FKRP: variants seen among roughly 807,000 people sequenced by gnomAD.
FKRP encodes the protein ribitol 5-phosphate transferase FKRP.
FKRP carries 25 observed loss-of-function variants against 30.6 expected under a neutral mutation model. The ratio of observed to expected loss-of-function variants is 0.82; its 90% CI spans 0.60 to 1.14. The LOEUF (loss-of-function observed/expected upper bound fraction) is 1.14. FKRP is among the 50% of genes most tolerant of loss of function. The pLI, the probability that FKRP is intolerant of heterozygous loss-of-function variation, is 0.00. For missense variants in FKRP, 771 were observed against 727.8 expected (o/e 1.06, Z -0.68); for synonymous variants, 358 against 342.5 (o/e 1.05, Z -0.50).
chr19:46,755,972 C>T lies in FKRP; in HGVS notation c.522C>T (p.Ser174=), dbSNP rs1599935593. The T allele has an allele frequency of 1.2e-5, 18 of 1,540,232 alleles. No individual in the cohort carries two copies. Among genetic ancestry groups the T allele is most frequent in the Non-Finnish European group, 1.6e-5 (18 of 1,149,740 alleles). ...NPARCLALNV[S]LREWTARYGA... is the part of the protein sequence containing the mutation. ...CCAGGTGCCTGGCCCTGAACGTCAG[C>T]CTGCGAGAGTGGACCGCCCGCTATG... The change falls in exon 4 of 4, where the codon AGC becomes AGT. Residue 174 remains serine, a synonymous_variant. Transcript: ENST00000318584.
Position 46,756,087 on chromosome 19 carries a change from C to A in FKRP, c.637C>A (p.Pro213Thr). 1 of 1,548,236 alleles carries A rather than the reference C, an allele frequency of 6.5e-7. No individual in the cohort carries two copies. The highest frequency in any genetic ancestry group is 1.2e-5 in the South Asian group (1 of 85,036). Reference protein sequence around the residue: ...RARDLFNLSAPLARPVGTSLF... With the variant: ...RARDLFNLSATLARPVGTSLF... The stretch of plus-strand genomic sequence containing the variant: ...CCGCGACCTCTTCAACCTCTCGGCG[C>A]CCCTGGCCCGGCCGGTGGGCACCAG... Residue 213 changes from proline to threonine, a missense_variant, in exon 4 of 4, where the codon CCC (proline) becomes ACC (threonine). Coordinates refer to ENST00000318584, the MANE Select transcript of FKRP (RefSeq NM_024301.5). The surrounding 1 kb of genome is among the most constrained non-coding windows in gnomAD (Gnocchi z 6.6).
chr19:46,747,025 C>T (rs1235009270), intron 1 of FKRP: 3 of 152,340 alleles, frequency 2.0e-5, no homozygotes, highest in Non-Finnish European at 4.4e-5. Context: ...TCCTTCTGCT[C>T]CTATCCTCAT....
At chr19:46,754,344 A>AAC (rs1318442280) in intron 3 of FKRP, 14 of 143,268 alleles carry the variant, frequency 9.8e-5, no homozygotes, top group African/African-American at 3.7e-4. Context: ...GGCCCACCCC[A>AAC]CTTTTGTTTT....
rs763422045 is a variant in FKRP at position 46,756,847 on chromosome 19, G to A, written c.1397G>A (p.Arg466His). Residue 466 changes from arginine to histidine, a missense_variant, in exon 4 of 4, where the codon CGC becomes CAC. Physicochemically the swap from Arg to His is conservative, Grantham distance 29. Coordinates refer to ENST00000318584, the MANE Select transcript of FKRP (RefSeq NM_024301.5). The surrounding 1 kb of genome is among the most constrained non-coding windows in gnomAD (Gnocchi z 6.6). ...GTGGCGCAGGCGCCTAACAACTACC[G>A]CCGCTTCCTGGAGCTCAAGTTCGGG... ...GFVAQAPNNY[R>H]RFLELKFGPG... is the part of the protein sequence containing the mutation. 6 of 1,603,552 alleles carry A rather than the reference G, an allele frequency of 3.7e-6. No homozygotes were observed. In the African/African-American group the frequency reaches 6.7e-5, roughly 18 times the overall value.
Position 46,758,083 on chromosome 19 carries a change from C to G in FKRP, c.*1145C>G, listed in dbSNP as rs2054963425. On this transcript the variant is annotated 3_prime_UTR_variant, in exon 4 of 4. Coordinates refer to ENST00000318584, the MANE Select transcript of FKRP (RefSeq NM_024301.5). Reference sequence around the variant, plus strand: ...CCAGGCACCATTCTCAGTGTTTCACCTGGATCAACTAATGCGTCCCTCACC... The same window carrying G: ...CCAGGCACCATTCTCAGTGTTTCACGTGGATCAACTAATGCGTCCCTCACC... 1 of 167,162 alleles carries G rather than the reference C, an allele frequency of 6.0e-6. No individual in the cohort carries two copies. The highest frequency in any genetic ancestry group is 1.5e-5 in the Non-Finnish European group (1 of 68,144). The allele number at this position is 167,162 out of a possible 1,614,324, so 10.4% of individuals were successfully genotyped here.
intron 3 of FKRP, among the ~76,000 whole-genome samples, chr19:46,755,125 C>A (rs533125495): frequency 4.6e-5 from 7 of 151,970 alleles, no homozygotes; most frequent in East Asian, 3.9e-4. Context: ...CCCATTCCCC[C>A]CTGCCTGCAA....
At chr19:46,754,630 G>A (rs780744498) in intron 3 of FKRP, among the ~76,000 whole-genome samples, 22 of 140,540 alleles carry the variant, frequency 1.6e-4, no homozygotes, top group South Asian at 4.6e-4. Flanking sequence ...TTTTCGAGAC[G>A]GAGTCTCGCT....
At chr19:46,753,053 C>A (rs1246918985) in intron 3 of FKRP, among the ~76,000 whole-genome samples, 1 of 151,786 alleles carries the variant, frequency 6.6e-6, no homozygotes, top group Admixed American at 6.6e-5. Context: ...GTAGTCCCAG[C>A]TACTCAGGAG....
chr19:46,746,487 G>A, intron 1 of FKRP: 1 of 876,228 alleles, frequency 1.1e-6, no homozygotes, highest in Non-Finnish European at 1.3e-6. Flanking sequence ...GCGCGGCCGC[G>A]CCAACACCCC....
chr19:46,755,565 C>G lies in FKRP; in HGVS notation c.115C>G (p.Pro39Ala), dbSNP rs772667330. Residue 39 changes from proline to alanine, a missense_variant, in exon 4 of 4, where the codon CCC (proline) becomes GCC (alanine). Transcript: ENST00000318584. ...GCCTAGGAATTCCCGGGCCCGGGGG[C>G]CCCGTCGTGCCTCTGCTGCCGGCCC... is the stretch of plus-strand genomic sequence containing the variant. ...HQPRNSRARG[P>A]RRASAAGPRV... The G allele has an allele frequency of 1.9e-6, 3 of 1,606,048 alleles. No homozygotes were observed. The highest frequency in any genetic ancestry group is 3.3e-4 in the Middle Eastern group (2 of 6,050).
In FKRP at chr19:46,746,318, G is replaced by T. The variant is rs774940084; in HGVS notation, c.-253+228G>T. 16 of 1,342,808 alleles carry T rather than the reference G, an allele frequency of 1.2e-5. No homozygotes were observed. In the Admixed American group the frequency reaches 4.4e-4, roughly 37 times the overall value. The allele number at this position is 1,342,808 out of a possible 1,614,324, so 83.2% of individuals were successfully genotyped here. A position where few individuals can be genotyped will look rare whatever the true frequency, so the allele number is the denominator to read the frequency against. ...CTTACCTGCCGGGCCCGGCCCGGGG[G>T]CAGGGGCGGAGACCGGGGCCGCCCC... On this transcript the variant is annotated intron_variant, in intron 1 of 3. Transcript: ENST00000318584.
At chr19:46,745,164 C>T (rs2054556106), upstream of FKRP, among the ~76,000 whole-genome samples, 1 of 152,086 alleles carries the variant, frequency 6.6e-6, no homozygotes, top group East Asian at 1.9e-4. Flanking sequence ...AGGACCCTCA[C>T]CTCCATACTG....
chr19:46,753,385 A>G (rs2054833552), intron 3 of FKRP, among the ~76,000 whole-genome samples: 2 of 147,290 alleles, frequency 1.4e-5, no homozygotes. Flanking sequence ...TGAACGCGGG[A>G]GGCAGAGGTT....
At position 46,748,659 on chromosome 19, in the gene FKRP, T is replaced by A. The variant is rs1463704457; in HGVS notation, c.-46T>A. 1 of 152,246 alleles carries A rather than the reference T, an allele frequency of 6.6e-6. No individual in the cohort carries two copies. The highest frequency in any genetic ancestry group is 1.5e-5 in the Non-Finnish European group (1 of 68,094). 9.4% of individuals were successfully genotyped at this position (152,246 alleles called of 1,614,324 possible). A position where few individuals can be genotyped will look rare whatever the true frequency, so the allele number is the denominator to read the frequency against. On this transcript the variant is annotated 5_prime_UTR_variant, in exon 3 of 4. Coordinates refer to ENST00000318584, the MANE Select transcript of FKRP (RefSeq NM_024301.5). ...AGTAACTGTCCCCTCTGACTACCAT[T>A]TCTAAGGCAAGCCCCCTGTTTCTAC...
Position 46,756,185 on chromosome 19 carries a change from GC to G in FKRP, c.740del (p.Pro247ArgfsTer30), listed in dbSNP as rs1568418845. ...ACTTGACCTTCGCCGCGGCGCGCCAGCCCCCGCTGGCCACGGCCCACGCGCG... is the reference window on the plus strand; with the variant it reads ...ACTTGACCTTCGCCGCGGCGCGCCAGCCCCGCTGGCCACGGCCCACGCGCG... ...LDLTFAAARQ[P>X]PLATAHARWK... On this transcript the variant is annotated frameshift_variant, in exon 4 of 4. Coordinates refer to ENST00000318584, the MANE Select transcript of FKRP (RefSeq NM_024301.5). LOFTEE classifies it high-confidence loss of function. The surrounding 1 kb of genome is among the most constrained non-coding windows in gnomAD (Gnocchi z 6.6). The G allele has an allele frequency of 2.8e-6, 4 of 1,436,554 alleles. No homozygotes were observed. Among genetic ancestry groups the G allele is most frequent in the Middle Eastern group, 1.8e-4 (1 of 5,436 alleles). 89.0% of individuals were successfully genotyped at this position (1,436,554 alleles called of 1,614,324 possible). A position where few individuals can be genotyped will look rare whatever the true frequency, so the allele number is the denominator to read the frequency against.
In FKRP at chr19:46,758,444, G is replaced by A. The variant is rs956187856; in HGVS notation, c.*1506G>A. ...TAAATATATACAGATACTATTATCT[G>A]TATGTTAGTAATAAAGCTTAAATTA... On this transcript the variant is annotated 3_prime_UTR_variant, in exon 4 of 4. Coordinates refer to ENST00000318584, the MANE Select transcript of FKRP (RefSeq NM_024301.5). The A allele has an allele frequency of 1.2e-5, 2 of 166,984 alleles. No homozygotes were observed. Among genetic ancestry groups the A allele is most frequent in the African/African-American group, 4.8e-5 (2 of 41,414 alleles). 10.3% of individuals were successfully genotyped at this position (166,984 alleles called of 1,614,324 possible). A position where few individuals can be genotyped will look rare whatever the true frequency, so the allele number is the denominator to read the frequency against.
upstream of FKRP, chr19:46,745,833 G>T (rs915054088): frequency 3.0e-4 from 77 of 259,480 alleles, no homozygotes; most frequent in African/African-American, 1.7e-3. Flanking sequence ...AGCGTGCTCA[G>T]TCCCAGTCCC....
At chr19:46,753,072 A>C (rs1217004149) in intron 3 of FKRP, among the ~76,000 whole-genome samples, 1 of 151,774 alleles carries the variant, frequency 6.6e-6, no homozygotes, top group Non-Finnish European at 1.5e-5. Flanking sequence ...AGGCTGAGGC[A>C]AGAGAATCGC....
intron 3 of FKRP, among the ~76,000 whole-genome samples, chr19:46,750,197 G>A (rs934599429): frequency 6.6e-6 from 1 of 152,168 alleles, no homozygotes; most frequent in Non-Finnish European, 1.5e-5. Context: ...TTGCCCCAAC[G>A]AAGGGGTTTG....
Sources: allele counts gnomAD v4.1 joint callset (sites outside exome capture counted in the v4.1 genomes callset), GRCh38; gene constraint gnomAD v4.1.1; non-coding constraint Gnocchi (gnomAD v3.1); transcripts MANE v1.5; gene names NCBI Gene and HGNC (gene_info 2026-07-23, HGNC 2026-07-21).